SUPT6H: variants seen among roughly 807,000 people sequenced by gnomAD.
SUPT6H encodes the protein SPT6 homolog, histone chaperone and transcription elongation factor, also known as transcription elongation factor SPT6.
SUPT6H carries 11 observed loss-of-function variants against 222.3 expected under a neutral mutation model. The ratio of observed to expected loss-of-function variants is 0.05; its 90% CI spans 0.03 to 0.08. The LOEUF (loss-of-function observed/expected upper bound fraction) is 0.08, where lower values mean the gene tolerates loss of function less well. Ranked by LOEUF, SUPT6H falls within the 10% of genes least tolerant of loss-of-function variation. The pLI, the probability that SUPT6H is intolerant of heterozygous loss-of-function variation, is 1.00. For synonymous variants in SUPT6H, 762 were observed against 801.2 expected (o/e 0.95, Z 0.83); for missense variants, 1,422 against 2,216.0 (o/e 0.64, Z 7.19).
Position 28,697,899 on chromosome 17 carries a change from C to A in SUPT6H, c.4324-7C>A. The A allele has an allele frequency of 1.9e-6, 3 of 1,613,746 alleles. No individual in the cohort carries two copies. Among genetic ancestry groups the A allele is most frequent in the Non-Finnish European group, 2.5e-6 (3 of 1,179,856 alleles). ...ATCCCAACCTCTCCCCCTCATTCTA[C>A]CCCCAGAAATTAGAGGAGCTGCTCA... On this transcript the variant is annotated splice_polypyrimidine_tract_variant and splice_region_variant and intron_variant, in intron 31 of 36. Coordinates refer to ENST00000314616, the MANE Select transcript of SUPT6H (RefSeq NM_003170.5).
intron 11 of SUPT6H, among the ~76,000 whole-genome samples, chr17:28,679,553 T>G (rs2030969479): frequency 6.6e-6 from 1 of 151,884 alleles, no homozygotes; most frequent in African/African-American, 2.4e-5. Context: ...GGTTTTTTTT[T>G]GTATTTTTAG....
chr17:28,688,030 G>C lies in SUPT6H; in HGVS notation c.3007-61G>C. ...TGTTATGAGGGTTTAATAGAGACTG[G>C]AACAGTCTGGGGAGGTGGGGCCTGC... On this transcript the variant is annotated intron_variant, in intron 23 of 36. Coordinates refer to ENST00000314616, the MANE Select transcript of SUPT6H (RefSeq NM_003170.5). The surrounding 1 kb of genome is among the most constrained non-coding windows in gnomAD (Gnocchi z 4.3). The C allele has an allele frequency of 2.7e-6, 4 of 1,500,630 alleles. No homozygotes were observed. The highest frequency in any genetic ancestry group is 3.6e-6 in the Non-Finnish European group (4 of 1,120,798). 93.0% of individuals were successfully genotyped at this position (1,500,630 alleles called of 1,614,324 possible).
Position 28,684,900 on chromosome 17 carries a change from T to A in SUPT6H, c.2426T>A (p.Leu809His). The change falls in exon 19 of 37, where the codon CTT becomes CAT. Residue 809 changes from leucine (L) to histidine (H), a missense_variant. Leu to His is a moderately conservative substitution (Grantham distance 99). Coordinates refer to ENST00000314616, the MANE Select transcript of SUPT6H (RefSeq NM_003170.5). Reference sequence around the variant, plus strand: ...GGTGAAGGAGAAGTGACAGACTTCCTTCGACTGCCCCATTTTACCAAACGG... The same window carrying A: ...GGTGAAGGAGAAGTGACAGACTTCCATCGACTGCCCCATTTTACCAAACGG... ...VNGEGEVTDF[L>H]RLPHFTKRRT... The A allele has an allele frequency of 6.2e-7, 1 of 1,614,242 alleles. No individual in the cohort carries two copies. The highest frequency in any genetic ancestry group is 8.5e-7 in the Non-Finnish European group (1 of 1,180,046).
chr17:28,683,576 A>T, intron 16 of SUPT6H, 45 bp from the exon 17 acceptor site: 1 of 1,599,692 alleles, frequency 6.3e-7, no homozygotes, highest in Non-Finnish European at 8.5e-7. Context: ...ATTGGGTGTC[A>T]CCTTTTCTCC....
chr17:28,664,883 C>G (rs919801912), intron 1 of SUPT6H, among the ~76,000 whole-genome samples: 4 of 152,184 alleles, frequency 2.6e-5, no homozygotes, highest in Non-Finnish European at 5.9e-5. Flanking sequence ...CCCAGTCTTT[C>G]AGTAAGTCTT....
rs546122457 is a variant in SUPT6H at position 28,675,707 on chromosome 17, C to T, written c.623+222C>T. Among the ~76,000 whole-genome samples, 11 of 152,322 alleles carry T rather than the reference C, an allele frequency of 7.2e-5. 1 individual carries two copies. The South Asian group carries it at 2.3e-3, about 32-fold the overall frequency. ...ACTACTGTGGGATTGGAGTAGAGTC[C>T]CACATGGGCAAGGCTCCAGCATTCC... On this transcript the variant is annotated intron_variant, in intron 6 of 36. Transcript: ENST00000314616.
chr17:28,673,337 C>T (rs536593654), intron 1 of SUPT6H, 34 bp from the exon 2 acceptor site: 16 of 1,354,074 alleles, frequency 1.2e-5, no homozygotes, highest in African/African-American at 4.3e-5. Context: ...ATCATGTGTC[C>T]GTTTTTTTAT....
rs546382656 is a variant in SUPT6H at position 28,686,493 on chromosome 17, A to G, written c.2564+78A>G. The G allele has an allele frequency of 3.8e-6, 6 of 1,562,002 alleles. No homozygotes were observed. The South Asian group carries it at 5.7e-5, about 15-fold the overall frequency. ...TTATTATTGAGTCTGGCATATGCCC[A>G]TAACAGATGGGGCTTGTGCTTGTGC... On this transcript the variant is annotated intron_variant, in intron 20 of 36. Transcript: ENST00000314616.
At chr17:28,684,467 C>A in intron 17 of SUPT6H, 119 bp from the exon 18 acceptor site, 1 of 1,248,250 alleles carries the variant, frequency 8.0e-7, no homozygotes, top group Non-Finnish European at 1.1e-6. Flanking sequence ...GGAACATCTG[C>A]ACATAAGAGT....
intron 19 of SUPT6H, 88 bp from the exon 20 acceptor site, chr17:28,686,251 C>T (rs1276904403): frequency 8.3e-7 from 1 of 1,203,270 alleles, no homozygotes. Flanking sequence ...ACTTCCAGTT[C>T]TTACAAGATC....
In SUPT6H at chr17:28,701,898, G is replaced by A; in HGVS notation, c.*273G>A. ...GTGTGGCAGGGAGGAGGAAGAGGAA[G>A]GTGAGAATGAGTAGAACAGTTTTGT... is the stretch of plus-strand genomic sequence containing the variant. On this transcript the variant is annotated 3_prime_UTR_variant, in exon 37 of 37. Transcript: ENST00000314616. 1 of 480,562 alleles carries A rather than the reference G, an allele frequency of 2.1e-6. No individual in the cohort carries two copies. The highest frequency in any genetic ancestry group is 3.7e-6 in the Non-Finnish European group (1 of 267,478). The allele number at this position is 480,562 out of a possible 1,614,324, so 29.8% of individuals were successfully genotyped here. A position where few individuals can be genotyped will look rare whatever the true frequency, so the allele number is the denominator to read the frequency against.
intron 22 of SUPT6H, 30 bp from the exon 23 acceptor site, chr17:28,687,274 A>C (rs1315258728): frequency 6.2e-7 from 1 of 1,613,998 alleles, no homozygotes; most frequent in Non-Finnish European, 8.5e-7. Flanking sequence ...AGGCAGAGTA[A>C]CCTTACTCCT....
In SUPT6H at chr17:28,684,616, A is replaced by G. The variant is rs2031289699; in HGVS notation, c.2260A>G (p.Arg754Gly). The G allele has an allele frequency of 6.2e-7, 1 of 1,614,002 alleles. No homozygotes were observed. Among genetic ancestry groups the G allele is most frequent in the Admixed American group, 1.7e-5 (1 of 59,990 alleles). ...ACSRKLYNWL[R>G]VAPYRPDQQV... The stretch of plus-strand genomic sequence containing the variant: ...TAGTCGAAAGCTCTACAATTGGTTG[A>G]GAGTGGCACCCTACCGACCAGATCA... The change falls in exon 18 of 37, where the codon AGA becomes GGA. Residue 754 changes from arginine (R) to glycine (G), a missense_variant. By Grantham distance (125) the Arg-to-Gly change is moderately radical. Transcript: ENST00000314616.
chr17:28,679,344 GC>G (rs2030949278), intron 11 of SUPT6H, among the ~76,000 whole-genome samples: 1 of 152,008 alleles, frequency 6.6e-6, no homozygotes, highest in South Asian at 2.1e-4. Context: ...CTGCTCTCCA[GC>G]CTGGGCAACA....
At chr17:28,686,972 G>A in intron 21 of SUPT6H, 116 bp from the exon 22 acceptor site, 1 of 1,516,868 alleles carries the variant, frequency 6.6e-7, no homozygotes. Context: ...ATCGGTCTCA[G>A]GAAAAAAGAT....
Position 28,688,985 on chromosome 17 carries a change from ATAT to A in SUPT6H, c.3135-365_3135-363del, listed in dbSNP as rs2031520316. On this transcript the variant is annotated intron_variant, in intron 24 of 36. Coordinates refer to ENST00000314616, the MANE Select transcript of SUPT6H (RefSeq NM_003170.5). This position sits in a 1 kb window ranked among gnomAD's most constrained non-coding sequence, Gnocchi z 4.3. ...ATCATATAAAATTCAACATATAGAAATATTATGCAGAAAGTGGAAGTCCCCCAT... is the reference window on the plus strand; with the variant it reads ...ATCATATAAAATTCAACATATAGAAATATGCAGAAAGTGGAAGTCCCCCAT... 1 of 183,402 alleles carries A rather than the reference ATAT, an allele frequency of 5.5e-6. No homozygotes were observed. The highest frequency in any genetic ancestry group is 2.4e-5 in the African/African-American group (1 of 42,056). 11.4% of individuals were successfully genotyped at this position (183,402 alleles called of 1,614,324 possible).
intron 29 of SUPT6H, 141 bp from the exon 30 acceptor site, chr17:28,696,703 T>C (rs2031935833): frequency 1.3e-6 from 1 of 755,672 alleles, no homozygotes; most frequent in East Asian, 2.5e-5. Context: ...CAGTGAGTCA[T>C]GATTTGCCAC....
At chr17:28,690,830 A>C in intron 26 of SUPT6H, 91 bp from the exon 27 acceptor site, 1 of 1,415,922 alleles carries the variant, frequency 7.1e-7, no homozygotes, top group Non-Finnish European at 9.7e-7. Context: ...GATGGGAAGG[A>C]AGTCAGATAT....
chr17:28,701,715 A>G lies in SUPT6H; in HGVS notation c.*90A>G. On this transcript the variant is annotated 3_prime_UTR_variant, in exon 37 of 37. Coordinates refer to ENST00000314616, the MANE Select transcript of SUPT6H (RefSeq NM_003170.5). The stretch of plus-strand genomic sequence containing the variant: ...CCTCCCTGCCCCTCCTTTTATGTCC[A>G]TAAAGTGGCGTGAAGTGAGACGTTC... 1 of 1,391,752 alleles carries G rather than the reference A, an allele frequency of 7.2e-7. No homozygotes were observed. The highest frequency in any genetic ancestry group is 9.7e-7 in the Non-Finnish European group (1 of 1,026,834). The allele number at this position is 1,391,752 out of a possible 1,614,324, so 86.2% of individuals were successfully genotyped here.
Sources: allele counts gnomAD v4.1 joint callset (sites outside exome capture counted in the v4.1 genomes callset), GRCh38; gene constraint gnomAD v4.1.1; non-coding constraint Gnocchi (gnomAD v3.1); transcripts MANE v1.5; gene names NCBI Gene and HGNC (gene_info 2026-07-23, HGNC 2026-07-21).